Variants in SRPRA observed in about 807,000 individuals in gnomAD.
The protein encoded by SRPRA is signal recognition particle receptor subunit alpha.
Under a neutral mutation model 61.1 loss-of-function variants are expected in SRPRA, and 30 were observed. The observed-to-expected ratio is 0.49, with a 90% CI of 0.37 to 0.67. The LOEUF (loss-of-function observed/expected upper bound fraction) is 0.67, where lower values mean the gene tolerates loss of function less well. Among genes scored for constraint, SRPRA ranks in the 30% least tolerant of loss-of-function variants. The pLI is 0.00. For missense variants in SRPRA, 759 were observed against 828.4 expected (o/e 0.92, Z 1.03); for synonymous variants, 324 against 299.7 (o/e 1.08, Z -0.84).
the SRPRA span, chr11:126,240,916 G>C: frequency 6.2e-7 from 1 of 1,614,198 alleles, no homozygotes; most frequent in Non-Finnish European, 8.5e-7. Flanking sequence ...GTTAATTCAG[G>C]CCTTACTGGA....
chr11:126,265,454 TGGA>T lies in SRPRA; in HGVS notation c.1139-17_1139-15del. ...TGGAAGTCACCGCTGAAAGGGGAGGTGGAGGAGGTTGCAGCTGTGAAACTCAAG... is the reference window on the plus strand; with the variant it reads ...TGGAAGTCACCGCTGAAAGGGGAGGTGGAGGTTGCAGCTGTGAAACTCAAG... On this transcript the variant is annotated splice_polypyrimidine_tract_variant and intron_variant, in intron 9 of 13. Coordinates refer to ENST00000332118, the MANE Select transcript of SRPRA (RefSeq NM_003139.4). This position sits in a 1 kb window ranked among gnomAD's most constrained non-coding sequence, Gnocchi z 6.3. 6.2e-7 allele frequency: 1 copy of T among 1,605,122 alleles called. No homozygotes were observed.
the SRPRA span, among the ~76,000 whole-genome samples, chr11:126,238,336 A>G: frequency 6.6e-6 from 1 of 152,172 alleles, no homozygotes. Flanking sequence ...CATCTCAAAA[A>G]AAAAAGCCAG....
chr11:126,238,192 T>A, the SRPRA span, among the ~76,000 whole-genome samples: 1 of 151,600 alleles, frequency 6.6e-6, no homozygotes, highest in Non-Finnish European at 1.5e-5. Context: ...TGAAACCCCG[T>A]CTCTACTAAA....
At chr11:126,245,921 G>A in the SRPRA span, among the ~76,000 whole-genome samples, 1 of 151,080 alleles carries the variant, frequency 6.6e-6, no homozygotes, top group Non-Finnish European at 1.5e-5. Context: ...GCTTGAACCC[G>A]GGAGGCGGAG....
the SRPRA span, among the ~76,000 whole-genome samples, chr11:126,246,958 T>C: frequency 1.3e-5 from 2 of 152,096 alleles, no homozygotes; most frequent in African/African-American, 2.4e-5. Flanking sequence ...AAAAAAACTT[T>C]CCAGCCTGGG....
chr11:126,257,605 A>AT, the SRPRA span, among the ~76,000 whole-genome samples: 98,594 of 140,936 alleles, frequency 0.7, 35,648 homozygotes, highest in East Asian at 0.98. Flanking sequence ...AGAATTGTAC[A>AT]TTTTTTTTTT....
chr11:126,261,780 G>A (rs796216264), downstream of SRPRA, among the ~76,000 whole-genome samples: 3 of 152,112 alleles, frequency 2.0e-5, no homozygotes, highest in South Asian at 4.1e-4. Flanking sequence ...CTTGAGCCCA[G>A]GAGTTTGAGA....
chr11:126,236,110 G>C, the SRPRA span, among the ~76,000 whole-genome samples: 1 of 152,084 alleles, frequency 6.6e-6, no homozygotes, highest in Non-Finnish European at 1.5e-5. Flanking sequence ...GTCCTGTTGC[G>C]TTCCTGATAT....
Position 126,267,452 on chromosome 11 carries a change from T to C in SRPRA, c.365+97A>G, listed in dbSNP as rs1950835394. 3.2e-6 allele frequency: 5 copies of C among 1,583,026 alleles called. No individual in the cohort carries two copies. Among genetic ancestry groups the C allele is most frequent in the Admixed American group, 3.5e-5 (2 of 56,642 alleles). Reference sequence around the variant, plus strand: ...TGAGAACTGGGTAGCAAATTAGGAATGTCTTTGAACACATCAATTTACCAC... The same window carrying C: ...TGAGAACTGGGTAGCAAATTAGGAACGTCTTTGAACACATCAATTTACCAC... On this transcript the variant is annotated intron_variant, in intron 3 of 13. Coordinates refer to ENST00000332118, the MANE Select transcript of SRPRA (RefSeq NM_003139.4). The surrounding 1 kb of genome is among the most constrained non-coding windows in gnomAD (Gnocchi z 4.2).
chr11:126,250,274 G>A, the SRPRA span, among the ~76,000 whole-genome samples: 2 of 151,950 alleles, frequency 1.3e-5, no homozygotes, highest in East Asian at 1.9e-4. This position sits in a 1 kb window ranked among gnomAD's most constrained non-coding sequence, Gnocchi z 5.1. Flanking sequence ...TTTATTTTTA[G>A]TAGAGACGGG....
At chr11:126,249,731 C>CAAAAAAAAAAAAAAAAAAAAAAAAAAAA in the SRPRA span, among the ~76,000 whole-genome samples, 1 of 79,014 alleles carries the variant, frequency 1.3e-5, no homozygotes, top group Non-Finnish European at 2.3e-5. Context: ...GACTCCGTCT[C>CAAAAAAAAAAAAAAAAAAAAAAAAAAAA]AAAAAAAAAA....
At chr11:126,241,180 C>A in the SRPRA span, 1 of 955,422 alleles carries the variant, frequency 1.0e-6, no homozygotes, top group Non-Finnish European at 1.5e-6. Flanking sequence ...GTTTCCATAA[C>A]ATTTGACTCT....
At chr11:126,236,949 C>T in the SRPRA span, among the ~76,000 whole-genome samples, 3 of 129,358 alleles carry the variant, frequency 2.3e-5, no homozygotes, top group African/African-American at 8.7e-5. Flanking sequence ...GACAGAGTCT[C>T]ACTGTCTCCC....
the SRPRA span, among the ~76,000 whole-genome samples, chr11:126,238,469 C>T: frequency 3.3e-5 from 5 of 152,140 alleles, no homozygotes; most frequent in African/African-American, 4.8e-5. Context: ...AAAGAGGAAT[C>T]GTCCTCATTT....
rs1023447851 is a variant in SRPRA, at chr11:126,265,412, T to C, written c.1167A>G (p.Leu389=). The change falls in exon 10 of 14, where the codon CTA becomes CTG. Residue 389 remains leucine, a synonymous_variant. Transcript: ENST00000332118. This position sits in a 1 kb window ranked among gnomAD's most constrained non-coding sequence, Gnocchi z 6.3. ...GCAGAATCTGCACCAGGGACTCCTG[T>C]AGGGCTTGCTTTACTGTGGAAGTCA... ...STVTSTVKQA[L]QESLVQILQP... 1.9e-6 allele frequency: 3 copies of C among 1,613,530 alleles called. No individual in the cohort carries two copies. The Admixed American group carries it at 5.0e-5, about 27-fold the overall frequency.
the SRPRA span, among the ~76,000 whole-genome samples, chr11:126,253,514 T>C: frequency 5.4e-4 from 83 of 152,350 alleles, no homozygotes; most frequent in Non-Finnish European, 1.0e-3. The surrounding 1 kb of genome is among the most constrained non-coding windows in gnomAD (Gnocchi z 5.1). Flanking sequence ...GAAGTGATTT[T>C]TCTATCACTT....
chr11:126,264,991 G>A lies in SRPRA; in HGVS notation c.1493C>T (p.Ala498Val), dbSNP rs1276677442. Residue 498 changes from alanine to valine, a missense_variant, in exon 11 of 14, where the codon GCT becomes GTT. Ala to Val is a moderately conservative substitution (Grantham distance 64). Coordinates refer to ENST00000332118, the MANE Select transcript of SRPRA (RefSeq NM_003139.4). The surrounding 1 kb of genome is among the most constrained non-coding windows in gnomAD (Gnocchi z 5.0). ...QLFEKGYGKD[A>V]AGIAMEAIAF... ...AATGGCTTCCATGGCAATGCCAGCA[G>A]CATCCTTGCCATAGCCCTTTTCAAA... 6.2e-7 allele frequency: 1 copy of A among 1,613,990 alleles called. No individual in the cohort carries two copies. Among genetic ancestry groups the A allele is most frequent in the East Asian group, 2.2e-5 (1 of 44,884 alleles).
Position 126,264,643 on chromosome 11 carries a change from G to C in SRPRA, c.1526-104C>G. On this transcript the variant is annotated intron_variant, in intron 11 of 13. Transcript: ENST00000332118. The surrounding 1 kb of genome is among the most constrained non-coding windows in gnomAD (Gnocchi z 5.0). Reference sequence around the variant, plus strand: ...AGTTTGACTACCTGTTCACTGTCTTGGGCTCTGGATTTGGTTCCAAGGTAA... The same window carrying C: ...AGTTTGACTACCTGTTCACTGTCTTCGGCTCTGGATTTGGTTCCAAGGTAA... 4 of 1,375,066 alleles carry C rather than the reference G, an allele frequency of 2.9e-6. No homozygotes were observed. The highest frequency in any genetic ancestry group is 3.9e-6 in the Non-Finnish European group (4 of 1,016,754). 85.2% of individuals were successfully genotyped at this position (1,375,066 alleles called of 1,614,324 possible).
At chr11:126,258,536 A>G (rs936026784), downstream of SRPRA, among the ~76,000 whole-genome samples, 27 of 152,190 alleles carry the variant, frequency 1.8e-4, no homozygotes, top group African/African-American at 6.0e-4. Flanking sequence ...CTATGCTTTG[A>G]TGGAACCAGA....
Sources: gnomAD v4.1 joint callset for allele counts (sites outside exome capture counted in the v4.1 genomes callset) on GRCh38, gnomAD v4.1.1 for gene constraint, Gnocchi (gnomAD v3.1) non-coding constraint, MANE v1.5 for transcripts, NCBI Gene and HGNC (gene_info 2026-07-23, HGNC 2026-07-21) for gene names.